TMEM132D: variants seen among roughly 807,000 people sequenced by gnomAD.
TMEM132D encodes the protein mature OL transmembrane protein.
Under a neutral mutation model 62.3 loss-of-function variants are expected in TMEM132D, and 21 were observed. The observed-to-expected ratio is 0.34, with a 90% CI of 0.24 to 0.49. The LOEUF is 0.49. Ranked by LOEUF, TMEM132D falls within the 20% of genes least tolerant of loss-of-function variation. The pLI is 0.99. For missense variants in TMEM132D, 1,346 were observed against 1,402.8 expected (o/e 0.96, Z 0.65); for synonymous variants, 621 against 575.6 (o/e 1.08, Z -1.13).
chr12:129,605,170 A>C (rs568441584), intron 2 of TMEM132D, among the ~76,000 whole-genome samples: 2 of 152,110 alleles, frequency 1.3e-5, no homozygotes, highest in African/African-American at 4.8e-5. Context: ...TGTATTTTGT[A>C]GTTTGTGTTC....
chr12:129,228,563 T>C (rs1187192479), intron 4 of TMEM132D, among the ~76,000 whole-genome samples: 1 of 152,172 alleles, frequency 6.6e-6, no homozygotes, highest in Non-Finnish European at 1.5e-5. Flanking sequence ...CTACTTTCTG[T>C]CTGCCTGAAT....
intron 3 of TMEM132D, among the ~76,000 whole-genome samples, chr12:129,369,069 AC>A (rs1359651426): frequency 1.3e-5 from 2 of 152,172 alleles, no homozygotes; most frequent in Non-Finnish European, 2.9e-5. Context: ...AGGAGTAGCT[AC>A]CTTCATCTTC....
chr12:129,357,535 G>GAAAGAAAGA (rs1330502122), intron 3 of TMEM132D, among the ~76,000 whole-genome samples: 1 of 149,822 alleles, frequency 6.7e-6, no homozygotes, highest in Non-Finnish European at 1.5e-5. Flanking sequence ...GGAAAGAAAG[G>GAAAGAAAGA]AAAGAAAGAA....
chr12:129,084,808 C>T (rs569421635), intron 5 of TMEM132D, 106 bp from the exon 6 acceptor site: 13 of 998,320 alleles, frequency 1.3e-5, no homozygotes, highest in Middle Eastern at 2.5e-4. Flanking sequence ...GAGGTGCTTC[C>T]CTTTCCTCCC....
intron 3 of TMEM132D, among the ~76,000 whole-genome samples, chr12:129,344,432 T>G (rs1869615720): frequency 6.6e-6 from 1 of 152,008 alleles, no homozygotes; most frequent in African/African-American, 2.4e-5. Flanking sequence ...GTAAGTGGGG[T>G]GCATATACCT....
At chr12:129,559,923 A>G (rs1243016820) in intron 2 of TMEM132D, among the ~76,000 whole-genome samples, 2 of 152,228 alleles carry the variant, frequency 1.3e-5, no homozygotes, top group Non-Finnish European at 2.9e-5. Context: ...GATAGCATGC[A>G]CGTGGAATAC....
rs12581465 is a variant in TMEM132D at position 129,654,341 on chromosome 12, A to C, written c.968+45469T>G. Among the ~76,000 whole-genome samples, 49 of 150,304 alleles carry C rather than the reference A, an allele frequency of 3.3e-4. 1 individual carries two copies. Among genetic ancestry groups the C allele is most frequent in the Non-Finnish European group, 8.9e-5 (6 of 67,764 alleles). On this transcript the variant is annotated intron_variant, in intron 2 of 8. Coordinates refer to ENST00000422113, the MANE Select transcript of TMEM132D (RefSeq NM_133448.3). ...GTGTTCTGAGCACTTCCTTTTTGCC[A>C]CTATAAGATGCTCCTGGTCTAAGAA...
intron 4 of TMEM132D, among the ~76,000 whole-genome samples, chr12:129,323,073 G>A (rs1868773687): frequency 6.6e-6 from 1 of 152,104 alleles, no homozygotes; most frequent in African/African-American, 2.4e-5. Flanking sequence ...GACAGGTTTA[G>A]GAAAAATAAG....
At chr12:129,209,969 G>A (rs1878987024) in intron 4 of TMEM132D, 2 of 310,264 alleles carry the variant, frequency 6.4e-6, no homozygotes, top group East Asian at 1.3e-4. Context: ...CCTTGTAAGT[G>A]CTTTACAAAT....
At chr12:129,531,327 C>T (rs1214580518) in intron 2 of TMEM132D, 122 bp from the exon 3 acceptor site, 2 of 1,216,340 alleles carry the variant, frequency 1.6e-6, no homozygotes, top group East Asian at 2.4e-5. Flanking sequence ...CTCATGTATA[C>T]TAGGATTTAA....
chr12:129,159,631 C>G (rs1276880648), intron 5 of TMEM132D, among the ~76,000 whole-genome samples: 1 of 151,772 alleles, frequency 6.6e-6, no homozygotes, highest in African/African-American at 2.4e-5. Context: ...CATGGTAGTG[C>G]ATGCCTGTAA....
intron 1 of TMEM132D, among the ~76,000 whole-genome samples, chr12:129,829,621 C>G (rs750635097): frequency 1.4e-4 from 22 of 152,118 alleles, no homozygotes; most frequent in South Asian, 2.1e-4. Flanking sequence ...CACCTTAGCC[C>G]CGTGTTTTCC....
At chr12:129,764,881 C>T (rs569095547) in intron 1 of TMEM132D, among the ~76,000 whole-genome samples, 1 of 152,230 alleles carries the variant, frequency 6.6e-6, no homozygotes, top group South Asian at 2.1e-4. Flanking sequence ...GTTGAGGCTG[C>T]AGTGAGCTGT....
intron 8 of TMEM132D, among the ~76,000 whole-genome samples, chr12:129,078,193 C>T (rs567347598): frequency 3.0e-4 from 45 of 152,326 alleles, no homozygotes; most frequent in Non-Finnish European, 5.4e-4. Flanking sequence ...AAGCAGGAAG[C>T]GTGTGGAGAG....
chr12:129,270,153 T>A (rs959785956), intron 4 of TMEM132D, among the ~76,000 whole-genome samples: 2 of 152,194 alleles, frequency 1.3e-5, no homozygotes, highest in East Asian at 1.9e-4. Flanking sequence ...AAGGTTGTCC[T>A]GCTTCTCCCT....
At chr12:129,247,620 C>G (rs1288320961) in intron 4 of TMEM132D, among the ~76,000 whole-genome samples, 1 of 152,212 alleles carries the variant, frequency 6.6e-6, no homozygotes, top group Non-Finnish European at 1.5e-5. Context: ...AGTCACACGA[C>G]TGTGGAACAA....
Position 129,770,140 on chromosome 12 carries a change from G to GTTTTTTTTTTT in TMEM132D, c.80-69443_80-69442insAAAAAAAAAAA, listed in dbSNP as rs375230592. Reference sequence around the variant, plus strand: ...ATGAGATTCTTTGTGGGTTTTTTTGGTTGTTTTTTTTTTTTTTTTTTGAGA... The same window carrying GTTTTTTTTTTT: ...ATGAGATTCTTTGTGGGTTTTTTTGGTTTTTTTTTTTTTGTTTTTTTTTTTTTTTTTTGAGA... On this transcript the variant is annotated intron_variant, in intron 1 of 8. Transcript: ENST00000422113. Among the ~76,000 whole-genome samples, 25 of 104,302 alleles carry GTTTTTTTTTTT rather than the reference G, an allele frequency of 2.4e-4. 3 individuals are homozygous for GTTTTTTTTTTT. The highest frequency in any genetic ancestry group is 3.6e-4 in the Admixed American group (3 of 8,398). The allele number at this position is 104,302 out of a possible 152,430, so 68.4% of individuals were successfully genotyped here.
At chr12:129,284,879 A>C (rs528723882) in intron 4 of TMEM132D, among the ~76,000 whole-genome samples, 1 of 152,328 alleles carries the variant, frequency 6.6e-6, no homozygotes, top group African/African-American at 2.4e-5. Context: ...AAATCCATAG[A>C]GACTGAAGGC....
At chr12:129,757,686 G>A (rs922338639) in intron 1 of TMEM132D, among the ~76,000 whole-genome samples, 4 of 152,008 alleles carry the variant, frequency 2.6e-5, no homozygotes, top group African/African-American at 9.7e-5. Context: ...CCTCCAAAAG[G>A]GTTTCCTGAG....
Sources: gnomAD v4.1 joint callset for allele counts (sites outside exome capture counted in the v4.1 genomes callset) on GRCh38, gnomAD v4.1.1 for gene constraint, MANE v1.5 for transcripts, NCBI Gene and HGNC (gene_info 2026-07-23, HGNC 2026-07-21) for gene names.